Variants in PTPRD observed in about 807,000 individuals in gnomAD.
PTPRD encodes the protein protein tyrosine phosphatase receptor type D, also known as receptor-type tyrosine-protein phosphatase delta.
Under a neutral mutation model 214.5 loss-of-function variants are expected in PTPRD, and 34 were observed. The ratio of observed to expected loss-of-function variants is 0.16; its 90% CI spans 0.12 to 0.21. The LOEUF is 0.21. Among genes scored for constraint, PTPRD ranks in the 10% least tolerant of loss-of-function variants. The pLI is 1.00. For missense variants in PTPRD, 2,545 were observed against 2,398.7 expected, an observed-to-expected ratio of 1.06 and a Z score of -1.27; for synonymous variants, 1,128 against 845.7, an observed-to-expected ratio of 1.33 and a Z score of -5.79.
At chr9:10,358,244 A>C (rs966645550) in intron 2 of PTPRD, among the ~76,000 whole-genome samples, 2 of 152,100 alleles carry the variant, frequency 1.3e-5, no homozygotes, top group Admixed American at 6.5e-5. Flanking sequence ...CTTCATCAAA[A>C]GATAATACTT....
At chr9:9,676,442 C>A (rs1441222115) in intron 7 of PTPRD, among the ~76,000 whole-genome samples, 1 of 151,924 alleles carries the variant, frequency 6.6e-6, no homozygotes, top group African/African-American at 2.4e-5. Context: ...CATGTCCCTA[C>A]AAAGGACATG....
chr9:8,521,184 T>C (rs2138832056), intron 20 of PTPRD, 93 bp downstream of exon 20: 6 of 1,377,912 alleles, frequency 4.4e-6, no homozygotes, highest in Non-Finnish European at 5.9e-6. Context: ...GAATAATGAA[T>C]TATTTTAGAT....
intron 8 of PTPRD, among the ~76,000 whole-genome samples, chr9:9,500,265 C>A (rs1409029424): frequency 6.6e-6 from 1 of 152,082 alleles, no homozygotes; most frequent in African/African-American, 2.4e-5. Flanking sequence ...GGCTTGGCCT[C>A]TCGATGTAAA....
intron 9 of PTPRD, among the ~76,000 whole-genome samples, chr9:9,349,451 A>G (rs1400265504): frequency 2.0e-5 from 3 of 152,058 alleles, no homozygotes; most frequent in Admixed American, 6.6e-5. Context: ...GCCTCCCAAG[A>G]AGATTGCTGC....
At chr9:9,834,795 C>G (rs1290990712) in intron 5 of PTPRD, among the ~76,000 whole-genome samples, 3 of 151,976 alleles carry the variant, frequency 2.0e-5, no homozygotes, top group Non-Finnish European at 2.9e-5. Context: ...GTGAAGATAG[C>G]TGCTAAAGAG....
intron 2 of PTPRD, among the ~76,000 whole-genome samples, chr9:10,544,145 T>A (rs897797168): frequency 6.6e-6 from 1 of 152,182 alleles, no homozygotes; most frequent in Non-Finnish European, 1.5e-5. Flanking sequence ...TCTTTCTACA[T>A]ATTTATATAC....
intron 8 of PTPRD, among the ~76,000 whole-genome samples, chr9:9,521,845 T>C (rs2096980946): frequency 6.6e-6 from 1 of 152,068 alleles, no homozygotes; most frequent in African/African-American, 2.4e-5. Flanking sequence ...TGGGGGCTTA[T>C]AAATACTACA....
At chr9:10,522,549 G>C (rs1431310265) in intron 2 of PTPRD, among the ~76,000 whole-genome samples, 1 of 152,082 alleles carries the variant, frequency 6.6e-6, no homozygotes, top group South Asian at 2.1e-4. Context: ...CCTCTTAAAA[G>C]TAATAGCAAT....
chr9:9,023,423 A>G (rs1012949009), intron 10 of PTPRD, among the ~76,000 whole-genome samples: 2 of 152,024 alleles, frequency 1.3e-5, no homozygotes, highest in Admixed American at 6.6e-5. Flanking sequence ...ACACATGATA[A>G]ACACAAAACG....
Position 9,211,510 on chromosome 9 carries a change from C to T in PTPRD, c.-202-28147G>A, listed in dbSNP as rs531514400. 9.6e-3 allele frequency among the ~76,000 whole-genome samples: 1,100 copies of T among 114,884 alleles called. 17 individuals carry two copies. The highest frequency in any genetic ancestry group is 0.034 in the African/African-American group (1,017 of 30,224). The allele number at this position is 114,884 out of a possible 152,430, so 75.4% of individuals were successfully genotyped here. ...TCCTTCCTTCCTCTCCCCCAGTGTG[C>T]GCACGCACACACACACACACACACA... is the stretch of plus-strand genomic sequence containing the variant. On this transcript the variant is annotated intron_variant, in intron 9 of 45. Transcript: ENST00000381196.
chr9:10,121,790 G>C (rs2098777631), intron 3 of PTPRD, among the ~76,000 whole-genome samples: 1 of 152,046 alleles, frequency 6.6e-6, no homozygotes, highest in African/African-American at 2.4e-5. Flanking sequence ...GTACCATCCT[G>C]TTTCCAGAGT....
chr9:9,247,492 G>C (rs1166777701), intron 9 of PTPRD, among the ~76,000 whole-genome samples: 1 of 152,032 alleles, frequency 6.6e-6, no homozygotes, highest in Non-Finnish European at 1.5e-5. Flanking sequence ...TTATAGGAGT[G>C]TTGGCCTTGA....
At chr9:9,869,869 C>T (rs1428400702) in intron 5 of PTPRD, among the ~76,000 whole-genome samples, 2 of 151,658 alleles carry the variant, frequency 1.3e-5, no homozygotes, top group African/African-American at 4.8e-5. Flanking sequence ...AAAAATACAG[C>T]AGAGATTGAG....
intron 3 of PTPRD, among the ~76,000 whole-genome samples, chr9:10,224,568 C>A (rs56381014): frequency 0.39 from 59,638 of 151,826 alleles, 13,256 homozygotes; most frequent in Non-Finnish European, 0.49. Context: ...CCATGCCTAT[C>A]CTTTTGTGAT....
intron 3 of PTPRD, among the ~76,000 whole-genome samples, chr9:10,057,641 C>G (rs2048279): frequency 0.65 from 98,582 of 151,866 alleles, 32,960 homozygotes; most frequent in East Asian, 0.85. Flanking sequence ...TCAGGAGTTA[C>G]AGACCATCCT....
In PTPRD at chr9:8,436,633, A is replaced by G. The variant is rs140452611; in HGVS notation, c.4045T>C (p.Leu1349=). 4.3e-6 allele frequency: 7 copies of G among 1,613,532 alleles called. No individual in the cohort carries two copies. The highest frequency in any genetic ancestry group is 1.7e-5 in the Admixed American group (1 of 60,004). Residue 1349 remains leucine (L), a synonymous_variant, in exon 35 of 46, where the codon TTG becomes CTG. Coordinates refer to ENST00000381196, the MANE Select transcript of PTPRD (RefSeq NM_002839.4). ...AACTTCAAGTTGTCATTTGCTTTCAATCTTTCAATGTGGTCTGCAAGTTCC... is the reference window on the plus strand; with the variant it reads ...AACTTCAAGTTGTCATTTGCTTTCAGTCTTTCAATGTGGTCTGCAAGTTCC... ...ILELADHIER[L]KANDNLKFSQ...
chr9:8,454,973 A>G (rs559114652), intron 33 of PTPRD, among the ~76,000 whole-genome samples: 15 of 152,290 alleles, frequency 9.8e-5, no homozygotes, highest in Admixed American at 9.8e-4. Context: ...AAACTAATGT[A>G]CTCAATGGGA....
chr9:9,626,280 C>T (rs2095423354), intron 7 of PTPRD, among the ~76,000 whole-genome samples: 2 of 152,140 alleles, frequency 1.3e-5, no homozygotes, highest in African/African-American at 2.4e-5. Context: ...GAGTAGGGTG[C>T]TAGTAATGAC....
chr9:10,358,347 G>C, intron 2 of PTPRD, among the ~76,000 whole-genome samples: 1 of 151,892 alleles, frequency 6.6e-6, no homozygotes, highest in Non-Finnish European at 1.5e-5. Context: ...TGGGAATAAA[G>C]ATAGCAAATA....
Sources: gnomAD v4.1 joint callset for allele counts (sites outside exome capture counted in the v4.1 genomes callset) on GRCh38, gnomAD v4.1.1 for gene constraint, MANE v1.5 for transcripts, NCBI Gene and HGNC (gene_info 2026-07-23, HGNC 2026-07-21) for gene names.